Variants in AP3B1 observed in about 807,000 individuals in gnomAD.
AP3B1 encodes the protein AP-3 complex subunit beta-1.
In AP3B1, 61 loss-of-function variants were observed where a neutral mutation model predicts 132.5. The observed-to-expected ratio is 0.46, with a 90% CI of 0.37 to 0.57. AP3B1 has a LOEUF of 0.57. AP3B1 is among the 20% of genes least tolerant of loss of function. The pLI is 0.00. For synonymous variants in AP3B1, 388 were observed against 438.3 expected (o/e 0.89, Z 1.43); for missense variants, 1,120 against 1,289.4 (o/e 0.87, Z 2.01).
At chr5:78,099,753 G>C (rs1334122555) in intron 21 of AP3B1, among the ~76,000 whole-genome samples, 1 of 152,020 alleles carries the variant, frequency 6.6e-6, no homozygotes, top group African/African-American at 2.4e-5. Context: ...CAAAAAATTA[G>C]CTGGGCGTGA....
chr5:78,267,586 ATCT>A lies in AP3B1; in HGVS notation c.135_137del (p.Glu45del). 6.2e-7 allele frequency: 1 copy of A among 1,603,936 alleles called. No homozygotes were observed. Among genetic ancestry groups the A allele is most frequent in the East Asian group, 2.2e-5 (1 of 44,684 alleles). Reference sequence around the variant, plus strand: ...TGTTGCTCTCTAACATTTGCTTTAGATCTTCATTCCTATTACAAAAGAGAAGAA... The same window carrying A: ...TGTTGCTCTCTAACATTTGCTTTAGATCATTCCTATTACAAAAGAGAAGAA... On this transcript the variant is annotated inframe_deletion, in exon 2 of 27. Transcript: ENST00000255194.
intron 1 of AP3B1, among the ~76,000 whole-genome samples, chr5:78,274,131 G>A (rs1748674428): frequency 1.3e-5 from 2 of 150,580 alleles, no homozygotes; most frequent in Non-Finnish European, 2.9e-5. Context: ...AACATGGTCA[G>A]GAAAATGTAG....
Position 78,129,044 on chromosome 5 carries a change from TA to T in AP3B1, c.1837+76del, listed in dbSNP as rs1580384875. On this transcript the variant is annotated intron_variant, in intron 16 of 26. Coordinates refer to ENST00000255194, the MANE Select transcript of AP3B1 (RefSeq NM_003664.5). Reference sequence around the variant, plus strand: ...TTTATATTTCCTAAGAGATAAATTTTAAGCACATTAGAAATGGCAACATCTT... The same window carrying T: ...TTTATATTTCCTAAGAGATAAATTTTAGCACATTAGAAATGGCAACATCTT... 2.5e-6 allele frequency: 3 copies of T among 1,213,718 alleles called. No individual in the cohort carries two copies. In the East Asian group the frequency reaches 7.4e-5, roughly 30 times the overall value. The allele number at this position is 1,213,718 out of a possible 1,614,324, so 75.2% of individuals were successfully genotyped here.
At chr5:78,228,306 A>T (rs1163905093) in intron 3 of AP3B1, 67 bp from the exon 4 acceptor site, 1 of 1,033,746 alleles carries the variant, frequency 9.7e-7, no homozygotes, top group East Asian at 2.5e-5. Context: ...TGCTATACCA[A>T]AATCCATGCT....
At position 78,141,378 on chromosome 5, in the gene AP3B1, A is replaced by G. The variant is rs777003289; in HGVS notation, c.1474-59T>C. ...AAGTTAATCATACTCTAATATTAAC[A>G]TAGAAAAGGTTTTAACTATTACAAA... On this transcript the variant is annotated intron_variant, in intron 14 of 26. Transcript: ENST00000255194. 191 of 1,400,962 alleles carry G rather than the reference A, an allele frequency of 1.4e-4. 1 individual carries two copies. Among genetic ancestry groups the G allele is most frequent in the South Asian group, 4.7e-4 (39 of 82,780 alleles). The allele number at this position is 1,400,962 out of a possible 1,614,324, so 86.8% of individuals were successfully genotyped here. A position where few individuals can be genotyped will look rare whatever the true frequency, so the allele number is the denominator to read the frequency against.
chr5:78,055,628 C>T (rs980503676), intron 22 of AP3B1, among the ~76,000 whole-genome samples: 29 of 152,048 alleles, frequency 1.9e-4, no homozygotes, highest in Non-Finnish European at 3.7e-4. Context: ...AAGCAATAAG[C>T]TATAATTCCT....
Position 78,294,667 on chromosome 5 carries a change from T to A in AP3B1, c.-88A>T, listed in dbSNP as rs953227354. 6.3e-6 allele frequency: 10 copies of A among 1,597,958 alleles called. No homozygotes were observed. Among genetic ancestry groups the A allele is most frequent in the Non-Finnish European group, 8.5e-6 (10 of 1,173,286 alleles). ...CCAGAGGGCACGGAACAAAACTAGTTCTCGTACGGAGGAGCGCGCGCAGGC... is the reference window on the plus strand; with the variant it reads ...CCAGAGGGCACGGAACAAAACTAGTACTCGTACGGAGGAGCGCGCGCAGGC... On this transcript the variant is annotated 5_prime_UTR_variant, in exon 1 of 27. Transcript: ENST00000255194.
chr5:78,236,909 G>A (rs1431487033), intron 3 of AP3B1, among the ~76,000 whole-genome samples: 6 of 152,152 alleles, frequency 3.9e-5, no homozygotes, highest in Admixed American at 1.3e-4. Flanking sequence ...AGGGAGAGTA[G>A]TTGAAAATTA....
At chr5:78,266,357 CT>C (rs200510431) in intron 2 of AP3B1, among the ~76,000 whole-genome samples, 3 of 152,264 alleles carry the variant, frequency 2.0e-5, no homozygotes, top group Admixed American at 1.3e-4. Flanking sequence ...AAAATTGCCC[CT>C]ATACTGCCAA....
At chr5:78,049,869 G>T (rs1460568650) in intron 22 of AP3B1, among the ~76,000 whole-genome samples, 2 of 152,102 alleles carry the variant, frequency 1.3e-5, no homozygotes, top group African/African-American at 2.4e-5. Flanking sequence ...TCCGTGATAT[G>T]AGTTTACCTG....
At chr5:78,117,581 A>T (rs1265228863) in intron 17 of AP3B1, among the ~76,000 whole-genome samples, 1 of 152,160 alleles carries the variant, frequency 6.6e-6, no homozygotes, top group Admixed American at 6.5e-5. Flanking sequence ...AAGTGCTGGG[A>T]TTACAGGTGT....
At chr5:78,098,023 G>A (rs1332893031) in intron 21 of AP3B1, among the ~76,000 whole-genome samples, 1 of 151,936 alleles carries the variant, frequency 6.6e-6, no homozygotes, top group Non-Finnish European at 1.5e-5. Context: ...TGTCCACTCA[G>A]GGTTAAATGG....
intron 20 of AP3B1, chr5:78,101,264 G>A: frequency 2.1e-6 from 1 of 468,926 alleles, no homozygotes; most frequent in Non-Finnish European, 3.9e-6. Flanking sequence ...ATAAATGTCA[G>A]AACAAAATTT....
chr5:78,039,912 G>GT (rs1326452525), intron 22 of AP3B1, among the ~76,000 whole-genome samples: 27 of 135,788 alleles, frequency 2.0e-4, no homozygotes, highest in African/African-American at 6.9e-4. Flanking sequence ...TTTTTTGTTA[G>GT]TTTTTTTCCC....
chr5:78,228,115 G>A (rs1412384186), intron 4 of AP3B1, 29 bp downstream of exon 4: 33 of 1,456,162 alleles, frequency 2.3e-5, no homozygotes, highest in Non-Finnish European at 3.1e-5. Flanking sequence ...AAACCTTGTA[G>A]CTATTTGCCT....
At chr5:78,078,053 G>A (rs1316524348) in intron 22 of AP3B1, among the ~76,000 whole-genome samples, 1 of 152,110 alleles carries the variant, frequency 6.6e-6, no homozygotes, top group Admixed American at 6.5e-5. Context: ...TAGGATGTGT[G>A]TGTATGCACA....
intron 2 of AP3B1, among the ~76,000 whole-genome samples, chr5:78,252,729 G>C (rs971583033): frequency 4.6e-5 from 7 of 152,164 alleles, no homozygotes; most frequent in African/African-American, 1.7e-4. Flanking sequence ...AGACTTCTAA[G>C]GTTTCTGACT....
intron 22 of AP3B1, among the ~76,000 whole-genome samples, chr5:78,065,355 C>A (rs1749242315): frequency 6.6e-6 from 1 of 152,124 alleles, no homozygotes; most frequent in Non-Finnish European, 1.5e-5. Context: ...GATGACTGAG[C>A]TTTGGCAGGG....
At chr5:78,202,100 T>C (rs776928487) in intron 7 of AP3B1, among the ~76,000 whole-genome samples, 31 of 152,280 alleles carry the variant, frequency 2.0e-4, no homozygotes, top group Non-Finnish European at 3.7e-4. Context: ...ATAAGTCTTA[T>C]AAGATCTGAT....
Sources: gnomAD v4.1 joint callset for allele counts (sites outside exome capture counted in the v4.1 genomes callset) on GRCh38, gnomAD v4.1.1 for gene constraint, MANE v1.5 for transcripts, NCBI Gene and HGNC (gene_info 2026-07-23, HGNC 2026-07-21) for gene names.